CCSER1: variants seen among roughly 807,000 people sequenced by gnomAD.
CCSER1 encodes coiled-coil serine rich protein 1.
In CCSER1, 41 loss-of-function variants were observed where a neutral mutation model predicts 82.0. The ratio of observed to expected loss-of-function variants is 0.50; its 90% confidence interval spans 0.39 to 0.65. The LOEUF is 0.65. CCSER1 is among the 30% of genes least tolerant of loss of function. The pLI is 0.00. For missense variants in CCSER1, 1,119 were observed against 1,064.2 expected (o/e 1.05, Z -0.72); for synonymous variants, 414 against 383.9 (o/e 1.08, Z -0.92).
chr4:90,608,987 C>T (rs1785110906), intron 5 of CCSER1, among the ~76,000 whole-genome samples: 2 of 152,090 alleles, frequency 1.3e-5, no homozygotes, highest in South Asian at 2.1e-4. Context: ...CATTTCAGCT[C>T]ATTTGTTCTG....
At chr4:90,576,811 A>G (rs1780826597) in intron 5 of CCSER1, among the ~76,000 whole-genome samples, 1 of 152,184 alleles carries the variant, frequency 6.6e-6, no homozygotes, top group Non-Finnish European at 1.5e-5. Context: ...TGGCAATTAT[A>G]AATAACGTTT....
At chr4:91,043,959 T>G (rs1362334736) in intron 9 of CCSER1, among the ~76,000 whole-genome samples, 4 of 152,162 alleles carry the variant, frequency 2.6e-5, no homozygotes, top group Non-Finnish European at 4.4e-5. Context: ...GGAAATATTA[T>G]AACTAATCTA....
intron 4 of CCSER1, among the ~76,000 whole-genome samples, chr4:90,464,318 A>G (rs1040497922): frequency 1.8e-4 from 28 of 152,208 alleles, no homozygotes; most frequent in African/African-American, 5.1e-4. Flanking sequence ...AGGATAAGCA[A>G]TTTTTGTGAC....
At chr4:90,195,981 T>A (rs1021731890) in intron 1 of CCSER1, among the ~76,000 whole-genome samples, 1 of 152,078 alleles carries the variant, frequency 6.6e-6, no homozygotes, top group African/African-American at 2.4e-5. Flanking sequence ...TCAGTTGAAT[T>A]CCCAATATCT....
intron 10 of CCSER1, among the ~76,000 whole-genome samples, chr4:91,174,186 A>T (rs950809085): frequency 6.6e-6 from 1 of 152,168 alleles, no homozygotes; most frequent in Admixed American, 6.5e-5. Context: ...AAATCAACTG[A>T]CAGCTTAAAT....
At chr4:90,216,375 T>G (rs1578542003) in intron 1 of CCSER1, among the ~76,000 whole-genome samples, 1 of 152,218 alleles carries the variant, frequency 6.6e-6, no homozygotes. Flanking sequence ...TCCCTACAGC[T>G]GGAGTTCATA....
chr4:90,450,447 C>A (rs992549611), intron 4 of CCSER1, among the ~76,000 whole-genome samples: 1 of 151,904 alleles, frequency 6.6e-6, no homozygotes, highest in Non-Finnish European at 1.5e-5. Context: ...AATAAAGGGG[C>A]CTTGACAAAG....
chr4:90,437,789 G>T (rs962092622), intron 4 of CCSER1, among the ~76,000 whole-genome samples: 2 of 151,968 alleles, frequency 1.3e-5, no homozygotes, highest in African/African-American at 4.8e-5. Flanking sequence ...GACTACTTGG[G>T]TACATAATTA....
At chr4:90,487,420 A>G (rs1297033139) in intron 5 of CCSER1, among the ~76,000 whole-genome samples, 1 of 152,190 alleles carries the variant, frequency 6.6e-6, no homozygotes, top group Non-Finnish European at 1.5e-5. Context: ...GACAATTTTA[A>G]TGTACAGTAG....
chr4:91,190,643 G>A (rs962230961), intron 10 of CCSER1, among the ~76,000 whole-genome samples: 1 of 152,166 alleles, frequency 6.6e-6, no homozygotes, highest in Non-Finnish European at 1.5e-5. Flanking sequence ...CTCTGAGACT[G>A]TATGCATATG....
intron 9 of CCSER1, among the ~76,000 whole-genome samples, chr4:90,952,640 C>A (rs1009530279): frequency 6.6e-6 from 1 of 152,056 alleles, no homozygotes; most frequent in Non-Finnish European, 1.5e-5. Context: ...ATGTCATAGT[C>A]CTAGACACTT....
chr4:90,882,880 A>G (rs1721553004), intron 8 of CCSER1, among the ~76,000 whole-genome samples: 1 of 152,102 alleles, frequency 6.6e-6, no homozygotes, highest in South Asian at 2.1e-4. Context: ...TATCACAGAA[A>G]TAGTAGGCAG....
At chr4:90,316,540 G>C (rs998272162) in intron 3 of CCSER1, among the ~76,000 whole-genome samples, 1 of 152,180 alleles carries the variant, frequency 6.6e-6, no homozygotes, top group African/African-American at 2.4e-5. Context: ...TGTCCTTACT[G>C]AGAGATATCC....
intron 10 of CCSER1, among the ~76,000 whole-genome samples, chr4:91,486,685 A>G (rs1021611101): frequency 6.6e-6 from 1 of 152,080 alleles, no homozygotes; most frequent in South Asian, 2.1e-4. Flanking sequence ...ATTATAAATA[A>G]TCTAAAGAGA....
At chr4:91,570,605 C>T (rs1374258084) in intron 10 of CCSER1, among the ~76,000 whole-genome samples, 1 of 152,198 alleles carries the variant, frequency 6.6e-6, no homozygotes, top group African/African-American at 2.4e-5. Flanking sequence ...TGTACCTTGG[C>T]CCCCTTTAGC....
At chr4:90,316,156 A>C (rs1736124907) in intron 3 of CCSER1, among the ~76,000 whole-genome samples, 1 of 152,212 alleles carries the variant, frequency 6.6e-6, no homozygotes, top group Non-Finnish European at 1.5e-5. Context: ...ACTATCAACT[A>C]AATGATTCTG....
At position 91,487,615 on chromosome 4, in the gene CCSER1, G is replaced by A. The variant is rs149496791; in HGVS notation, c.2218-110957G>A. Among the ~76,000 whole-genome samples, 335 of 152,118 alleles carry A rather than the reference G, an allele frequency of 2.2e-3. 1 individual carries two copies. Among genetic ancestry groups the A allele is most frequent in the African/African-American group, 7.7e-3 (319 of 41,512 alleles). ...GTTTCAATAGTTTGTAGTTGCACAA[G>A]CAAAAGAACAGAGCCATATAGTTGC... On this transcript the variant is annotated intron_variant, in intron 10 of 10. Coordinates refer to ENST00000509176, the MANE Select transcript of CCSER1 (RefSeq NM_001145065.2).
chr4:91,270,646 T>C (rs951381518), intron 10 of CCSER1, among the ~76,000 whole-genome samples: 1 of 152,164 alleles, frequency 6.6e-6, no homozygotes, highest in Non-Finnish European at 1.5e-5. Context: ...TTATACAGAC[T>C]CAGAATCTGG....
At chr4:91,085,235 A>T (rs779758804) in intron 9 of CCSER1, among the ~76,000 whole-genome samples, 1 of 152,096 alleles carries the variant, frequency 6.6e-6, no homozygotes, top group Non-Finnish European at 1.5e-5. Context: ...TTTGACTTTA[A>T]TCAAAATTCT....
Sources: allele counts gnomAD v4.1 joint callset (sites outside exome capture counted in the v4.1 genomes callset), GRCh38; gene constraint gnomAD v4.1.1; transcripts MANE v1.5; gene names NCBI Gene and HGNC (gene_info 2026-07-23, HGNC 2026-07-21).